TBL1XR1: variants seen among roughly 807,000 people sequenced by gnomAD.
TBL1XR1 encodes F-box-like/WD repeat-containing protein TBL1XR1.
Under a neutral mutation model 66.9 loss-of-function variants are expected in TBL1XR1, and 5 were observed. That is an observed-to-expected ratio of 0.07 (90% confidence interval 0.04 to 0.16). The LOEUF is 0.16. Among genes scored for constraint, TBL1XR1 ranks in the 10% least tolerant of loss-of-function variants. The pLI is 1.00. For missense variants in TBL1XR1, 238 were observed against 623.2 expected, an observed-to-expected ratio of 0.38 and a Z score of 6.58; for synonymous variants, 210 against 206.0, an observed-to-expected ratio of 1.02 and a Z score of -0.17.
Position 177,090,421 on chromosome 3 carries a change from G to C in TBL1XR1, c.-46+8045C>G, listed in dbSNP as rs984895239. On this transcript the variant is annotated intron_variant, in intron 2 of 15. Coordinates refer to ENST00000457928, the MANE Select transcript of TBL1XR1 (RefSeq NM_024665.7). ...GGACCCAGCATAGTGGCTCAGGCCT[G>C]TAATCCCAGCACTTTGGCAGGCTGA... 3.3e-5 allele frequency among the ~76,000 whole-genome samples: 5 copies of C among 151,196 alleles called. No homozygotes were observed. The Admixed American group carries it at 3.3e-4, about 10-fold the overall frequency.
At chr3:177,029,359 G>T (rs1713612486) in intron 14 of TBL1XR1, among the ~76,000 whole-genome samples, 1 of 152,168 alleles carries the variant, frequency 6.6e-6, no homozygotes, top group Non-Finnish European at 1.5e-5. Context: ...CCTCATGCCT[G>T]TAATCCCAGG....
intron 1 of TBL1XR1, among the ~76,000 whole-genome samples, chr3:177,170,731 A>G (rs1433255265): frequency 1.3e-5 from 2 of 152,004 alleles, no homozygotes; most frequent in Non-Finnish European, 2.9e-5. Flanking sequence ...CTGCCCACCA[A>G]GTACCTGGGA....
chr3:177,179,236 G>T (rs1408671043), intron 1 of TBL1XR1, among the ~76,000 whole-genome samples: 1 of 151,832 alleles, frequency 6.6e-6, no homozygotes, highest in Non-Finnish European at 1.5e-5. Context: ...AGGCCAACAG[G>T]AAGAATTCAC....
intron 14 of TBL1XR1, among the ~76,000 whole-genome samples, chr3:177,028,084 A>G (rs1483186454): frequency 6.6e-6 from 1 of 152,208 alleles, no homozygotes; most frequent in Non-Finnish European, 1.5e-5. Context: ...AGGCAGAGCT[A>G]AGACATTTAA....
At chr3:177,083,765 GTTTT>G (rs201718776) in intron 2 of TBL1XR1, among the ~76,000 whole-genome samples, 4 of 150,186 alleles carry the variant, frequency 2.7e-5, no homozygotes, top group South Asian at 2.1e-4. Context: ...TCAAGTAATG[GTTTT>G]TTTTTGTTTT....
chr3:177,170,115 A>G (rs989436075), intron 1 of TBL1XR1, among the ~76,000 whole-genome samples: 4 of 152,106 alleles, frequency 2.6e-5, no homozygotes, highest in African/African-American at 9.7e-5. Flanking sequence ...TATCATGACA[A>G]TAGCCTCCTG....
At chr3:177,038,259 TG>T in intron 11 of TBL1XR1, 53 bp downstream of exon 11, 1 of 1,595,610 alleles carries the variant, frequency 6.3e-7, no homozygotes. Flanking sequence ...AAAACTATTC[TG>T]AAACATTACT....
intron 1 of TBL1XR1, among the ~76,000 whole-genome samples, chr3:177,118,896 A>C (rs1040221362): frequency 6.6e-6 from 1 of 152,230 alleles, no homozygotes; most frequent in African/African-American, 2.4e-5. Flanking sequence ...AACTCCACAT[A>C]ATAACTCAAG....
At chr3:177,191,589 G>A (rs981998030) in intron 1 of TBL1XR1, among the ~76,000 whole-genome samples, 1 of 152,198 alleles carries the variant, frequency 6.6e-6, no homozygotes, top group Non-Finnish European at 1.5e-5. Context: ...GCTAAATTAA[G>A]TATGGTTAAA....
In TBL1XR1 at chr3:177,046,167, T is replaced by A; in HGVS notation, c.887A>T (p.His296Leu). 6.5e-7 allele frequency: 1 copy of A among 1,539,262 alleles called. No individual in the cohort carries two copies. The highest frequency in any genetic ancestry group is 1.4e-5 in the African/African-American group (1 of 72,228). ...AAACTGTTGCTTGGCTTCACCAGTA[T>A]GTGCGTCCCAAATAATTGTAGTCTG... Reference protein sequence around the residue: ...VDKTTIIWDAHTGEAKQQFPF... With the variant: ...VDKTTIIWDALTGEAKQQFPF... The change falls in exon 10 of 16, where the codon CAT (histidine) becomes CTT (leucine). Residue 296 changes from histidine (H) to leucine (L), a missense_variant. His to Leu is a moderately conservative substitution (Grantham distance 99). Coordinates refer to ENST00000457928, the MANE Select transcript of TBL1XR1 (RefSeq NM_024665.7).
chr3:177,041,608 C>T (rs1715596421), intron 10 of TBL1XR1, among the ~76,000 whole-genome samples: 1 of 152,222 alleles, frequency 6.6e-6, no homozygotes, highest in African/African-American at 2.4e-5. Context: ...GATGTGTGAA[C>T]TCTGCCTCTA....
intron 1 of TBL1XR1, among the ~76,000 whole-genome samples, chr3:177,156,023 T>TA (rs1291635285): frequency 6.7e-6 from 1 of 149,128 alleles, no homozygotes; most frequent in Non-Finnish European, 1.5e-5. Context: ...ATAAAAAAAG[T>TA]AAACCATTTT....
chr3:177,091,417 T>C (rs891351846), intron 2 of TBL1XR1, among the ~76,000 whole-genome samples: 3 of 152,040 alleles, frequency 2.0e-5, no homozygotes, highest in Admixed American at 6.6e-5. Flanking sequence ...TTATATAACA[T>C]AAATATATAA....
At chr3:177,180,921 G>A (rs935103011) in intron 1 of TBL1XR1, among the ~76,000 whole-genome samples, 5 of 151,748 alleles carry the variant, frequency 3.3e-5, no homozygotes, top group African/African-American at 1.2e-4. Flanking sequence ...TAGTAAAGAC[G>A]GGGGTTTCAC....
intron 1 of TBL1XR1, among the ~76,000 whole-genome samples, chr3:177,168,229 C>T (rs1733054915): frequency 6.6e-6 from 1 of 151,614 alleles, no homozygotes; most frequent in African/African-American, 2.4e-5. Context: ...CTAAGAAATA[C>T]ATTACTACTT....
intron 1 of TBL1XR1, among the ~76,000 whole-genome samples, chr3:177,101,382 C>T (rs1724194229): frequency 6.6e-6 from 1 of 152,040 alleles, no homozygotes; most frequent in Non-Finnish European, 1.5e-5. Flanking sequence ...TAATTAAACA[C>T]AAGTGAATAC....
intron 1 of TBL1XR1, among the ~76,000 whole-genome samples, chr3:177,187,943 C>CA (rs1432800259): frequency 1.0e-4 from 8 of 77,840 alleles, no homozygotes; most frequent in Non-Finnish European, 1.7e-4. Flanking sequence ...GTACAATTTC[C>CA]TTTTTTTTTT....
chr3:177,023,829 G>A lies in TBL1XR1; in HGVS notation c.*1669C>T, dbSNP rs571703787. 1 of 152,432 alleles carries A rather than the reference G, an allele frequency of 6.6e-6. No homozygotes were observed. Among genetic ancestry groups the A allele is most frequent in the East Asian group, 1.9e-4 (1 of 5,180 alleles). The allele number at this position is 152,432 out of a possible 1,614,324, so 9.4% of individuals were successfully genotyped here. ...CTCAAAATAATTAGTGACAGAAATA[G>A]TGTTATTAATTTGCTAAGCTCAACA... On this transcript the variant is annotated 3_prime_UTR_variant, in exon 16 of 16. Coordinates refer to ENST00000457928, the MANE Select transcript of TBL1XR1 (RefSeq NM_024665.7).
rs1712094167 is a variant in TBL1XR1 at position 177,019,524 on chromosome 3, G to C, written c.*5974C>G. On this transcript the variant is annotated 3_prime_UTR_variant, in exon 16 of 16. Coordinates refer to ENST00000457928, the MANE Select transcript of TBL1XR1 (RefSeq NM_024665.7). Reference sequence around the variant, plus strand: ...AGCATAGGGTTAACATTTCATTGATGACAAAGCACTTTGGTACAGCAGAGA... The same window carrying C: ...AGCATAGGGTTAACATTTCATTGATCACAAAGCACTTTGGTACAGCAGAGA... The C allele has an allele frequency of 2.6e-5, 4 of 152,106 alleles. No homozygotes were observed. The South Asian group carries it at 8.3e-4, about 32-fold the overall frequency. The allele number at this position is 152,106 out of a possible 1,614,324, so 9.4% of individuals were successfully genotyped here.
Sources: allele counts gnomAD v4.1 joint callset (sites outside exome capture counted in the v4.1 genomes callset), GRCh38; gene constraint gnomAD v4.1.1; transcripts MANE v1.5; gene names NCBI Gene and HGNC (gene_info 2026-07-23, HGNC 2026-07-21).